Variants in ABCB1 observed in about 807,000 individuals in gnomAD.
The protein encoded by ABCB1 is ATP-dependent translocase ABCB1.
In ABCB1, 69 loss-of-function variants were observed where a neutral mutation model predicts 142.0. That is an observed-to-expected ratio of 0.49 (90% CI 0.40 to 0.59). The LOEUF is 0.59. Among genes scored for constraint, ABCB1 ranks in the 20% least tolerant of loss-of-function variants. ABCB1 has a pLI of 0.00. For synonymous variants in ABCB1, 532 were observed against 539.2 expected (o/e 0.99, Z 0.18); for missense variants, 1,326 against 1,554.7 (o/e 0.85, Z 2.47).
intron 1 of ABCB1, chr7:87,693,957 A>G (rs200940747): frequency 1.2e-6 from 2 of 1,611,828 alleles, no homozygotes; most frequent in African/African-American, 1.3e-5. Context: ...TACCTCTTCA[A>G]GGTACTCTAT....
intron 21 of ABCB1, among the ~76,000 whole-genome samples, chr7:87,522,746 TC>T (rs982721328): frequency 1.3e-5 from 2 of 150,938 alleles, no homozygotes; most frequent in African/African-American, 2.5e-5. Context: ...AATAAATGTG[TC>T]CTTTTTTTTA....
chr7:87,682,115 A>G (rs778627203), intron 1 of ABCB1, among the ~76,000 whole-genome samples: 42 of 152,210 alleles, frequency 2.8e-4, no homozygotes, highest in Non-Finnish European at 3.8e-4. Context: ...TTGCTCATCC[A>G]TAAGAAGGAA....
intron 1 of ABCB1, among the ~76,000 whole-genome samples, chr7:87,622,796 C>G (rs1322233039): frequency 2.0e-5 from 3 of 152,064 alleles, no homozygotes; most frequent in Admixed American, 6.6e-5. Context: ...CTTGAGGGGC[C>G]AAGAAGGGAG....
In ABCB1 at chr7:87,504,286, T is replaced by C. The variant is rs1415447553; in HGVS notation, c.3800A>G (p.Tyr1267Cys). The C allele has an allele frequency of 4.3e-6, 7 of 1,614,042 alleles. No homozygotes were observed. The Admixed American group carries it at 5.0e-5, about 12-fold the overall frequency. ...AGCCTGGACACTGACCATTGAAAAA[T>C]AGATGCCTTTCTGTGCCAGCAGCTG... ...HQQLLAQKGIYFSMVSVQAGT... is the reference protein window; with the variant it reads ...HQQLLAQKGICFSMVSVQAGT... The change falls in exon 28 of 28, where the codon TAT (tyrosine) becomes TGT (cysteine). Residue 1267 changes from tyrosine to cysteine, a missense_variant. Tyr to Cys is a radical substitution (Grantham distance 194). Transcript: ENST00000622132.
rs186901455 is a variant in ABCB1, at chr7:87,644,717, A to T, written c.-330-43639T>A. Among the ~76,000 whole-genome samples, 652 of 152,082 alleles carry T rather than the reference A, an allele frequency of 4.3e-3. 2 individuals are homozygous for T. Among genetic ancestry groups the T allele is most frequent in the Admixed American group, 7.9e-3 (120 of 15,284 alleles). ...AATAATATATGCTTGTTGTAAAGGG[A>T]TAGGAATATAATTTTTTTTACTACT... On this transcript the variant is annotated intron_variant, in intron 1 of 28. Transcript: ENST00000265724.
At position 87,503,927 on chromosome 7, in the gene ABCB1, C is replaced by T. The variant is rs28364280; in HGVS notation, c.*316G>A. On this transcript the variant is annotated 3_prime_UTR_variant, in exon 28 of 28. Transcript: ENST00000622132. ...AACATTTCAATACTTTTTGCTACTT[C>T]TATAATCTTTTAGCAAGGCAGTCAG... 1,655 of 388,896 alleles carry T rather than the reference C, an allele frequency of 4.3e-3. 28 individuals carry two copies. The highest frequency in any genetic ancestry group is 0.03 in the African/African-American group (1,480 of 49,038). The allele number at this position is 388,896 out of a possible 1,614,324, so 24.1% of individuals were successfully genotyped here. A position where few individuals can be genotyped will look rare whatever the true frequency, so the allele number is the denominator to read the frequency against.
rs1584853464 is a variant in ABCB1, at chr7:87,531,596, A to G, written c.2482-99T>C. On this transcript the variant is annotated intron_variant, in intron 20 of 27. Coordinates refer to ENST00000622132, the MANE Select transcript of ABCB1 (RefSeq NM_001348946.2). ...TCACCTTCATGAGACTATATTCATT[A>G]TTTTATCAGTAATGAACTAAAAAGT... 5.4e-6 allele frequency: 6 copies of G among 1,117,222 alleles called. No homozygotes were observed. In the East Asian group the frequency reaches 1.5e-4, roughly 28 times the overall value. The allele number at this position is 1,117,222 out of a possible 1,614,324, so 69.2% of individuals were successfully genotyped here.
chr7:87,677,904 C>A (rs772891114), intron 1 of ABCB1, among the ~76,000 whole-genome samples: 15 of 152,086 alleles, frequency 9.9e-5, no homozygotes, highest in Non-Finnish European at 1.9e-4. Flanking sequence ...CTTTAGAGTT[C>A]TAAAAGAAAA....
intron 19 of ABCB1, among the ~76,000 whole-genome samples, chr7:87,536,788 A>T (rs1244836511): frequency 1.3e-5 from 2 of 152,214 alleles, no homozygotes; most frequent in Non-Finnish European, 2.9e-5. Context: ...GACCTGTACG[A>T]ACAAAAAAGA....
chr7:87,576,893 T>C (rs1584895183), intron 4 of ABCB1, among the ~76,000 whole-genome samples: 1 of 152,174 alleles, frequency 6.6e-6, no homozygotes, highest in Admixed American at 6.5e-5. Flanking sequence ...CAAAAATTTA[T>C]CCTTTCTTTG....
In ABCB1 at chr7:87,681,552, G is replaced by T. The variant is rs550908142; in HGVS notation, c.-331+31609C>A. On this transcript the variant is annotated intron_variant, in intron 1 of 28. Transcript: ENST00000265724. The stretch of plus-strand genomic sequence containing the variant: ...TGTAATAGCATTATGTCTAAAAAAT[G>T]TACATACCCTAATTAAACTACTTTA... Among the ~76,000 whole-genome samples the T allele has an allele frequency of 2.0e-5, 3 of 150,802 alleles. 1 individual carries two copies. The highest frequency in any genetic ancestry group is 7.4e-5 in the African/African-American group (3 of 40,744).
chr7:87,544,094 C>T, intron 17 of ABCB1, 35 bp downstream of exon 17: 1 of 1,610,344 alleles, frequency 6.2e-7, no homozygotes. Flanking sequence ...CATCAGGATT[C>T]ACAAGTAAAT....
In ABCB1 at chr7:87,650,744, T is replaced by C. The variant is rs371764971; in HGVS notation, c.-330-49666A>G. ...AATATTTTTACAACTCTTCCCCAAA[T>C]TGCCTTCCTCCCATTTTTTTCATAC... On this transcript the variant is annotated intron_variant, in intron 1 of 28. Transcript: ENST00000265724. 1.0e-5 allele frequency: 8 copies of C among 801,878 alleles called. No homozygotes were observed. In the South Asian group the frequency reaches 1.2e-4, roughly 12 times the overall value. 49.7% of individuals were successfully genotyped at this position (801,878 alleles called of 1,614,324 possible). A position where few individuals can be genotyped will look rare whatever the true frequency, so the allele number is the denominator to read the frequency against.
intron 4 of ABCB1, among the ~76,000 whole-genome samples, chr7:87,578,781 C>T (rs1818381460): frequency 6.6e-6 from 1 of 150,516 alleles, no homozygotes. Flanking sequence ...GCAAGCTCCG[C>T]CTCCCGGGTT....
rs1027717457 is a variant in ABCB1 at position 87,544,836 on chromosome 7, G to A, written c.2051C>T (p.Thr684Ile). The A allele has an allele frequency of 1.2e-6, 2 of 1,613,844 alleles. No homozygotes were observed. Among genetic ancestry groups the A allele is most frequent in the Non-Finnish European group, 1.7e-6 (2 of 1,179,990 alleles). Reference sequence around the variant, plus strand: ...CTCCCTTCATACCAGAGCCTCTTTGGTACTAAGCTTTCTGTCTTGGGCTTG... The same window carrying A: ...CTCCCTTCATACCAGAGCCTCTTTGATACTAAGCTTTCTGTCTTGGGCTTG... ...GSQAQDRKLS[T>I]KEALDESIPP... The change falls in exon 16 of 28, where the codon ACC becomes ATC. Residue 684 changes from threonine to isoleucine, a missense_variant. By Grantham distance (89) the Thr-to-Ile change is moderately conservative. Coordinates refer to ENST00000622132, the MANE Select transcript of ABCB1 (RefSeq NM_001348946.2).
intron 26 of ABCB1, among the ~76,000 whole-genome samples, chr7:87,506,351 C>A (rs1161021179): frequency 1.3e-5 from 2 of 152,020 alleles, no homozygotes; most frequent in Admixed American, 6.5e-5. Flanking sequence ...ATATTTGGGA[C>A]AAAGATTGGC....
At chr7:87,603,737 A>G (rs958771075), upstream of ABCB1, among the ~76,000 whole-genome samples, 1 of 152,202 alleles carries the variant, frequency 6.6e-6, no homozygotes, top group African/African-American at 2.4e-5. Context: ...TGGCTGCATT[A>G]AACTATTTGG....
At chr7:87,593,573 C>T (rs1183896439) in intron 3 of ABCB1, among the ~76,000 whole-genome samples, 1 of 152,198 alleles carries the variant, frequency 6.6e-6, no homozygotes, top group African/African-American at 2.4e-5. Flanking sequence ...GGATTACCAC[C>T]ATTCTAACTG....
At chr7:87,519,768 T>C (rs1321003826) in intron 22 of ABCB1, among the ~76,000 whole-genome samples, 1 of 152,168 alleles carries the variant, frequency 6.6e-6, no homozygotes, top group African/African-American at 2.4e-5. Context: ...AAGTAAAAGT[T>C]ATCTCCCTTT....
Sources: gnomAD v4.1 joint callset for allele counts (sites outside exome capture counted in the v4.1 genomes callset) on GRCh38, gnomAD v4.1.1 for gene constraint, MANE v1.5 for transcripts, NCBI Gene and HGNC (gene_info 2026-07-23, HGNC 2026-07-21) for gene names.